Variants in ADAMTS3 observed in about 807,000 individuals in gnomAD.
The protein encoded by ADAMTS3 is ADAM metallopeptidase with thrombospondin type 1 motif 3.
ADAMTS3 carries 73 observed loss-of-function variants against 129.0 expected under a neutral mutation model. That is an observed-to-expected ratio of 0.57 (90% CI 0.47 to 0.69). The LOEUF (loss-of-function observed/expected upper bound fraction) is 0.69. ADAMTS3 is among the 30% of genes least tolerant of loss of function. ADAMTS3 has a pLI of 0.00. For missense variants in ADAMTS3, 1,457 were observed against 1,514.5 expected (o/e 0.96, Z 0.63); for synonymous variants, 477 against 510.8 (o/e 0.93, Z 0.89).
intron 21 of ADAMTS3, 33 bp downstream of exon 21, chr4:72,288,718 C>A (rs1171903090): frequency 1.5e-6 from 2 of 1,357,688 alleles, no homozygotes; most frequent in Non-Finnish European, 2.1e-6. Context: ...TTAAAAACAT[C>A]AGAGCAGTGA....
At chr4:72,350,674 A>G (rs951230499) in intron 4 of ADAMTS3, among the ~76,000 whole-genome samples, 21 of 152,134 alleles carry the variant, frequency 1.4e-4, no homozygotes, top group African/African-American at 4.8e-4. Flanking sequence ...ATGACTGACC[A>G]CCACTGAGGC....
intron 3 of ADAMTS3, among the ~76,000 whole-genome samples, chr4:72,540,996 A>C (rs1220934846): frequency 3.9e-5 from 6 of 152,328 alleles, no homozygotes; most frequent in African/African-American, 1.4e-4. Context: ...AGCTGTGAGA[A>C]GAGGGCCACC....
chr4:72,494,607 T>G (rs977765607), intron 3 of ADAMTS3, among the ~76,000 whole-genome samples: 4 of 152,206 alleles, frequency 2.6e-5, no homozygotes, highest in Admixed American at 2.6e-4. Flanking sequence ...AAAATTATCA[T>G]GTTGCTTTGG....
intron 5 of ADAMTS3, among the ~76,000 whole-genome samples, chr4:72,331,696 T>C (rs1376489252): frequency 3.9e-5 from 6 of 152,134 alleles, no homozygotes; most frequent in Non-Finnish European, 8.8e-5. Context: ...TTAATACTTC[T>C]AGTATCTTGT....
intron 17 of ADAMTS3, among the ~76,000 whole-genome samples, chr4:72,300,816 T>C (rs766513056): frequency 6.6e-6 from 1 of 152,156 alleles, no homozygotes; most frequent in Non-Finnish European, 1.5e-5. Context: ...TGGTAAAGAA[T>C]CATGGACTGC....
At chr4:72,544,642 T>C (rs549071172) in intron 3 of ADAMTS3, among the ~76,000 whole-genome samples, 2 of 152,320 alleles carry the variant, frequency 1.3e-5, no homozygotes, top group Non-Finnish European at 2.9e-5. Context: ...GTTTTAATTA[T>C]AATTTAACCA....
At chr4:72,555,359 A>C (rs929902479) in intron 2 of ADAMTS3, among the ~76,000 whole-genome samples, 17 of 151,730 alleles carry the variant, frequency 1.1e-4, no homozygotes, top group African/African-American at 4.1e-4. Flanking sequence ...CTACATTCAC[A>C]GCCCTACACT....
At chr4:72,481,058 C>A (rs1452060077) in intron 3 of ADAMTS3, among the ~76,000 whole-genome samples, 1 of 151,764 alleles carries the variant, frequency 6.6e-6, no homozygotes, top group Non-Finnish European at 1.5e-5. Flanking sequence ...AATCAAAGAC[C>A]TAAATAAAGG....
At position 72,339,642 on chromosome 4, in the gene ADAMTS3, T is replaced by C; in HGVS notation, c.713A>G (p.His238Arg). The change falls in exon 5 of 22, where the codon CAC becomes CGC. Residue 238 changes from histidine (H) to arginine (R), a missense_variant. His to Arg is a conservative substitution (Grantham distance 29, BLOSUM62 0). Coordinates refer to ENST00000286657, the MANE Select transcript of ADAMTS3 (RefSeq NM_014243.3). The stretch of plus-strand genomic sequence containing the variant: ...TCTCATTGTTTCATTCAGCTGCTGG[T>C]GGATGTTGCCATAAACAGTACCTAG... ...DDLGTVYGNI[H>R]QQLNETMRRR... The C allele has an allele frequency of 1.9e-6, 3 of 1,613,904 alleles. No individual in the cohort carries two copies. Among genetic ancestry groups the C allele is most frequent in the Non-Finnish European group, 2.5e-6 (3 of 1,179,890 alleles).
intron 17 of ADAMTS3, among the ~76,000 whole-genome samples, chr4:72,303,681 G>A (rs924243485): frequency 8.6e-5 from 13 of 151,938 alleles, no homozygotes; most frequent in African/African-American, 3.1e-4. Flanking sequence ...GATGATAACT[G>A]ATTATTTAAG....
At chr4:72,548,042 G>A (rs550393497) in intron 3 of ADAMTS3, among the ~76,000 whole-genome samples, 2 of 152,158 alleles carry the variant, frequency 1.3e-5, no homozygotes, top group South Asian at 2.1e-4. Flanking sequence ...AGAATTCTGT[G>A]AGGAAGCTAA....
intron 3 of ADAMTS3, among the ~76,000 whole-genome samples, chr4:72,518,151 G>A (rs1365390005): frequency 6.6e-6 from 1 of 152,164 alleles, no homozygotes; most frequent in Non-Finnish European, 1.5e-5. Flanking sequence ...GCGGTTTTGA[G>A]TGAGTTTCTT....
chr4:72,494,947 T>C (rs964530616), intron 3 of ADAMTS3, among the ~76,000 whole-genome samples: 2 of 152,184 alleles, frequency 1.3e-5, no homozygotes, highest in African/African-American at 4.8e-5. Context: ...TTGGTGTCCT[T>C]AATGGAAAAG....
intron 3 of ADAMTS3, among the ~76,000 whole-genome samples, chr4:72,498,433 T>A (rs1004877470): frequency 6.6e-6 from 1 of 151,966 alleles, no homozygotes; most frequent in African/African-American, 2.4e-5. Context: ...TAGAAAAGCC[T>A]GTAAAAAAAA....
At chr4:72,508,648 T>C (rs1720228125) in intron 3 of ADAMTS3, among the ~76,000 whole-genome samples, 1 of 152,234 alleles carries the variant, frequency 6.6e-6, no homozygotes, top group Admixed American at 6.5e-5. Flanking sequence ...GTCATAGCTA[T>C]TCATTATTAC....
chr4:72,465,740 T>C (rs998525023), intron 3 of ADAMTS3, among the ~76,000 whole-genome samples: 2 of 152,028 alleles, frequency 1.3e-5, no homozygotes, highest in African/African-American at 4.8e-5. Flanking sequence ...AAATCTCACC[T>C]TGAATTGCAA....
chr4:72,486,614 G>A (rs1019626703), intron 3 of ADAMTS3, among the ~76,000 whole-genome samples: 2 of 151,980 alleles, frequency 1.3e-5, no homozygotes, highest in African/African-American at 2.4e-5. Context: ...CAAATAGGCA[G>A]GTTTCTGATA....
chr4:72,392,550 T>G (rs1057077057), intron 4 of ADAMTS3, among the ~76,000 whole-genome samples: 1 of 152,224 alleles, frequency 6.6e-6, no homozygotes, highest in African/African-American at 2.4e-5. Flanking sequence ...GACCCTAAAT[T>G]GCACTGGGGT....
At chr4:72,489,536 T>C (rs1329459395) in intron 3 of ADAMTS3, among the ~76,000 whole-genome samples, 2 of 151,878 alleles carry the variant, frequency 1.3e-5, no homozygotes, top group Non-Finnish European at 2.9e-5. Context: ...CAGCCAACCA[T>C]ATCATAGCCC....
Sources: gnomAD v4.1 joint callset for allele counts (sites outside exome capture counted in the v4.1 genomes callset) on GRCh38, gnomAD v4.1.1 for gene constraint, MANE v1.5 for transcripts, NCBI Gene and HGNC (gene_info 2026-07-23, HGNC 2026-07-21) for gene names.